YTHDF2: variants seen among roughly 807,000 people sequenced by gnomAD.
YTHDF2 encodes YTH domain-containing family protein 2.
In YTHDF2, 2 loss-of-function variants were observed where a neutral mutation model predicts 50.4. That is an observed-to-expected ratio of 0.04 (90% CI 0.02 to 0.12). The LOEUF (loss-of-function observed/expected upper bound fraction) is 0.12, where lower values mean the gene tolerates loss of function less well. Among genes scored for constraint, YTHDF2 ranks in the 10% least tolerant of loss-of-function variants. YTHDF2 has a pLI of 1.00. For missense variants in YTHDF2, 483 were observed against 722.6 expected (o/e 0.67, Z 3.80); for synonymous variants, 217 against 255.6 (o/e 0.85, Z 1.44).
chr1:28,738,422 AG>A, intron 3 of YTHDF2, 84 bp downstream of exon 3: 2 of 1,201,468 alleles, frequency 1.7e-6, no homozygotes, highest in Non-Finnish European at 2.4e-6. Flanking sequence ...CCATTTTCTG[AG>A]GATTCATTTT....
At position 28,742,759 on chromosome 1, in the gene YTHDF2, C is replaced by T. The variant is rs769922823; in HGVS notation, c.489C>T (p.Ala163=). Residue 163 remains alanine (A), a synonymous_variant, in exon 4 of 5, where the codon GCC becomes GCT. Transcript: ENST00000373812. ...ATGCACCTAGCTCCTTAGGTGGAGC[C>T]ATGATTGATGGACAGTCAGCTTTTG... The part of the protein sequence containing the change: ...YAYAPSSLGG[A]MIDGQSAFAN... 2 of 1,614,128 alleles carry T rather than the reference C, an allele frequency of 1.2e-6. No homozygotes were observed. The highest frequency in any genetic ancestry group is 1.7e-5 in the Admixed American group (1 of 60,004).
chr1:28,747,062 A>G (rs1408951620), intron 4 of YTHDF2, among the ~76,000 whole-genome samples: 1 of 152,086 alleles, frequency 6.6e-6, no homozygotes, highest in Admixed American at 6.6e-5. Flanking sequence ...AGCCTAGGCA[A>G]CAAGAGTGAA....
chr1:28,740,777 C>T (rs181927709), intron 3 of YTHDF2, among the ~76,000 whole-genome samples: 5 of 150,566 alleles, frequency 3.3e-5, no homozygotes, highest in Admixed American at 2.6e-4. Context: ...GATCTCGGCT[C>T]ACTGCAACCT....
chr1:28,764,915 G>A (rs2088194887), intron 4 of YTHDF2, among the ~76,000 whole-genome samples: 1 of 152,000 alleles, frequency 6.6e-6, no homozygotes, highest in Non-Finnish European at 1.5e-5. Context: ...CTAGGCTGAA[G>A]TGCAGTGACT....
chr1:28,752,096 G>A (rs1290695529), intron 4 of YTHDF2, among the ~76,000 whole-genome samples: 1 of 152,248 alleles, frequency 6.6e-6, no homozygotes, highest in Non-Finnish European at 1.5e-5. Flanking sequence ...CTCCAGCGAT[G>A]TGTTGGAGCT....
intron 4 of YTHDF2, among the ~76,000 whole-genome samples, chr1:28,761,312 A>C (rs1243989982): frequency 1.3e-5 from 2 of 152,000 alleles, no homozygotes; most frequent in Non-Finnish European, 2.9e-5. Flanking sequence ...AATTAAAAAA[A>C]CTTTTTGGAG....
In YTHDF2 at chr1:28,737,095, TCGC is replaced by T. The variant is rs1462431041; in HGVS notation, c.-21_-19del. 18 of 1,590,224 alleles carry T rather than the reference TCGC, an allele frequency of 1.1e-5. No homozygotes were observed. Among genetic ancestry groups the T allele is most frequent in the Non-Finnish European group, 1.5e-5 (18 of 1,170,460 alleles). ...CCGCGCTGAGGAGAGTTCGCCGCCG[TCGC>T]CGCCCGTGAGGATCTGAGAGCCATG... On this transcript the variant is annotated 5_prime_UTR_variant, in exon 1 of 5. Transcript: ENST00000373812.
At chr1:28,752,178 C>T (rs910043347) in intron 4 of YTHDF2, among the ~76,000 whole-genome samples, 3 of 152,176 alleles carry the variant, frequency 2.0e-5, no homozygotes, top group African/African-American at 4.8e-5. Flanking sequence ...TAATTACCAT[C>T]GTATTAGGTA....
chr1:28,755,371 T>A (rs531552689), intron 4 of YTHDF2, among the ~76,000 whole-genome samples: 20 of 152,342 alleles, frequency 1.3e-4, no homozygotes, highest in African/African-American at 4.8e-4. Context: ...AGTTATTGAA[T>A]GCTCTGTACA....
intron 4 of YTHDF2, among the ~76,000 whole-genome samples, chr1:28,758,520 TG>T (rs1557548750): frequency 6.6e-6 from 1 of 152,154 alleles, no homozygotes; most frequent in East Asian, 1.9e-4. Flanking sequence ...AGTCTCAAAA[TG>T]GAATGAATTA....
intron 4 of YTHDF2, among the ~76,000 whole-genome samples, chr1:28,764,716 T>A: frequency 6.6e-6 from 1 of 152,048 alleles, no homozygotes; most frequent in East Asian, 1.9e-4. Context: ...CTCAATTTTT[T>A]ATTTTTAGTA....
chr1:28,761,384 T>C (rs1334172840), intron 4 of YTHDF2, among the ~76,000 whole-genome samples: 1 of 152,068 alleles, frequency 6.6e-6, no homozygotes, highest in Non-Finnish European at 1.5e-5. Context: ...GTGATCCTCC[T>C]CCTTTGGCCT....
intron 3 of YTHDF2, among the ~76,000 whole-genome samples, chr1:28,738,572 G>C (rs994174175): frequency 1.3e-5 from 2 of 152,124 alleles, no homozygotes; most frequent in Non-Finnish European, 2.9e-5. Flanking sequence ...AGCCTCCCGA[G>C]TAGGTGGGAT....
chr1:28,737,838 T>C, intron 2 of YTHDF2, 156 bp downstream of exon 2: 1 of 859,266 alleles, frequency 1.2e-6, no homozygotes, highest in Admixed American at 2.8e-5. Flanking sequence ...CGGTGTGTTC[T>C]TGCAGCTGGC....
chr1:28,755,991 A>G (rs1430464781), intron 4 of YTHDF2, among the ~76,000 whole-genome samples: 1 of 152,238 alleles, frequency 6.6e-6, no homozygotes, highest in Non-Finnish European at 1.5e-5. Context: ...GAGGTAACAG[A>G]TGACTGCAGA....
chr1:28,744,421 A>G (rs764813787), intron 4 of YTHDF2, among the ~76,000 whole-genome samples: 2 of 152,192 alleles, frequency 1.3e-5, no homozygotes, highest in African/African-American at 4.8e-5. Context: ...TTCAAGAGTC[A>G]ATATGTCATC....
At chr1:28,764,958 T>A (rs932313931) in intron 4 of YTHDF2, among the ~76,000 whole-genome samples, 16 of 152,292 alleles carry the variant, frequency 1.1e-4, no homozygotes, top group African/African-American at 3.8e-4. Context: ...CATTACAGAC[T>A]CAAATTCCTG....
intron 2 of YTHDF2, chr1:28,737,942 A>C: frequency 1.7e-6 from 1 of 581,908 alleles, no homozygotes; most frequent in Non-Finnish European, 3.0e-6. Flanking sequence ...TGTAGGTCTT[A>C]GAAGGCCTTT....
At position 28,765,090 on chromosome 1, in the gene YTHDF2, A is replaced by G. The variant is rs145706246; in HGVS notation, c.1717-3839A>G. ...ACCCAGGCTGGAGTGCAGTGGTGCA[A>G]TCTCGGCTCACTGCATCCTCCTGCC... On this transcript the variant is annotated intron_variant, in intron 4 of 4. Coordinates refer to ENST00000373812, the MANE Select transcript of YTHDF2 (RefSeq NM_016258.3). Among the ~76,000 whole-genome samples the G allele has an allele frequency of 2.8e-3, 419 of 152,124 alleles. 3 individuals carry two copies. Among genetic ancestry groups the G allele is most frequent in the African/African-American group, 9.5e-3 (396 of 41,510 alleles).
Sources: gnomAD v4.1 joint callset for allele counts (sites outside exome capture counted in the v4.1 genomes callset) on GRCh38, gnomAD v4.1.1 for gene constraint, MANE v1.5 for transcripts, NCBI Gene and HGNC (gene_info 2026-07-23, HGNC 2026-07-21) for gene names.